The following KANK1 variants were observed in gnomAD, a reference collection of about 807,000 sequenced individuals.
The protein encoded by KANK1 is KN motif and ankyrin repeat domain-containing protein 1.
In KANK1, 109 loss-of-function variants were observed where a neutral mutation model predicts 106.2. The ratio of observed to expected loss-of-function variants is 1.03; its 90% confidence interval spans 0.88 to 1.20. KANK1 has a LOEUF of 1.20. Ranked by LOEUF, KANK1 falls within the 50% of genes most tolerant of loss-of-function variation. The pLI, the probability that KANK1 is intolerant of heterozygous loss-of-function variation, is 0.00. For missense variants in KANK1, 2,399 were observed against 1,710.7 expected (o/e 1.40, Z -7.10); for synonymous variants, 873 against 652.2 (o/e 1.34, Z -5.16).
chr9:551,291 G>A (rs754806746), intron 1 of KANK1, among the ~76,000 whole-genome samples: 1 of 151,940 alleles, frequency 6.6e-6, no homozygotes, highest in Non-Finnish European at 1.5e-5. Flanking sequence ...GTAGATGGGA[G>A]GCAGGGCTGT....
intron 3 of KANK1, among the ~76,000 whole-genome samples, chr9:473,986 G>C (rs1969985): frequency 0.084 from 12,748 of 152,170 alleles, 1,816 homozygotes; most frequent in African/African-American, 0.29. Context: ...GTGTGAGCCA[G>C]TGTGCCAGCC....
chr9:575,556 A>C (rs1218755703), intron 1 of KANK1, among the ~76,000 whole-genome samples: 1 of 150,190 alleles, frequency 6.7e-6, no homozygotes. Flanking sequence ...CCTGTGTTCC[A>C]GCTGCTCAGG....
chr9:735,509 C>T (rs1833548963), intron 7 of KANK1, among the ~76,000 whole-genome samples: 1 of 152,156 alleles, frequency 6.6e-6, no homozygotes, highest in Non-Finnish European at 1.5e-5. Flanking sequence ...CACATTCTTT[C>T]ATAGGCCAGA....
chr9:535,112 C>T (rs1000561067), intron 1 of KANK1, among the ~76,000 whole-genome samples: 4 of 152,216 alleles, frequency 2.6e-5, no homozygotes, highest in Non-Finnish European at 4.4e-5. Flanking sequence ...TCTCAGACTG[C>T]AGTGGGCAAG....
chr9:732,907 C>A, intron 6 of KANK1: 1 of 242,574 alleles, frequency 4.1e-6, no homozygotes, highest in Non-Finnish European at 8.0e-6. Flanking sequence ...GTTTGAACAC[C>A]TTACCTTATA....
intron 1 of KANK1, among the ~76,000 whole-genome samples, chr9:551,589 C>T (rs139589470): frequency 2.5e-4 from 38 of 152,202 alleles, no homozygotes; most frequent in African/African-American, 8.2e-4. Context: ...TGGTGAGGAC[C>T]GTTTATAATG....
chr9:581,810 A>G (rs948484491), intron 1 of KANK1, among the ~76,000 whole-genome samples: 8 of 152,100 alleles, frequency 5.3e-5, no homozygotes, highest in African/African-American at 1.9e-4. Context: ...TCTGGGCTGC[A>G]TTTGAGGCTA....
intron 1 of KANK1, among the ~76,000 whole-genome samples, chr9:657,090 G>C (rs893940584): frequency 2.6e-5 from 4 of 152,116 alleles, no homozygotes; most frequent in Non-Finnish European, 4.4e-5. Flanking sequence ...CTGTTTCTAT[G>C]ACTTTAATTA....
intron 1 of KANK1, among the ~76,000 whole-genome samples, chr9:620,404 AATT>A (rs777873529): frequency 4.0e-5 from 6 of 151,880 alleles, no homozygotes; most frequent in Non-Finnish European, 7.4e-5. Flanking sequence ...TGATAATTAT[AATT>A]TTTTTTTTTG....
intron 3 of KANK1, among the ~76,000 whole-genome samples, chr9:723,038 A>ATTC (rs1170868963): frequency 6.6e-6 from 1 of 152,204 alleles, no homozygotes; most frequent in Non-Finnish European, 1.5e-5. Context: ...AGCCTTGAAA[A>ATTC]GAGTATGGGT....
chr9:712,808 A>G lies in KANK1; in HGVS notation c.2042A>G (p.His681Arg), dbSNP rs1465784993. 6.2e-7 allele frequency: 1 copy of G among 1,613,912 alleles called. No homozygotes were observed. The highest frequency in any genetic ancestry group is 8.5e-7 in the Non-Finnish European group (1 of 1,179,944). Residue 681 changes from histidine to arginine, a missense_variant, in exon 3 of 12, where the codon CAC becomes CGC. His to Arg is a conservative substitution (Grantham distance 29). Transcript: ENST00000382297. ...QDTSTDLEQV[H>R]QFTNTETATL... ...ACTAGCACAGATTTGGAACAGGTGCACCAGTTCACCAACACCGAGACGGCC... is the reference window on the plus strand; with the variant it reads ...ACTAGCACAGATTTGGAACAGGTGCGCCAGTTCACCAACACCGAGACGGCC...
At chr9:585,147 C>G (rs1400699974) in intron 1 of KANK1, among the ~76,000 whole-genome samples, 1 of 152,206 alleles carries the variant, frequency 6.6e-6, no homozygotes, top group Non-Finnish European at 1.5e-5. Context: ...TCTTCCATGT[C>G]CCTTGACCCT....
At chr9:504,488 C>G (rs371688647), upstream of KANK1, among the ~76,000 whole-genome samples, 4 of 151,432 alleles carry the variant, frequency 2.6e-5, no homozygotes, top group African/African-American at 7.3e-5. Flanking sequence ...GTCCTCTGGG[C>G]GGAGGGAGCA....
intron 1 of KANK1, among the ~76,000 whole-genome samples, chr9:590,958 G>T (rs1016902113): frequency 1.3e-5 from 2 of 151,734 alleles, no homozygotes; most frequent in Non-Finnish European, 2.9e-5. Flanking sequence ...ACCAGTATGC[G>T]AGAGGTCTCT....
At chr9:571,745 A>C (rs1258055161) in intron 1 of KANK1, among the ~76,000 whole-genome samples, 2 of 152,260 alleles carry the variant, frequency 1.3e-5, no homozygotes, top group Non-Finnish European at 2.9e-5. Context: ...AGAAGCAGAC[A>C]CATGGAGCAA....
At chr9:595,166 C>G (rs1452696920) in intron 1 of KANK1, among the ~76,000 whole-genome samples, 1 of 151,620 alleles carries the variant, frequency 6.6e-6, no homozygotes, top group Non-Finnish European at 1.5e-5. Flanking sequence ...GTAGTCCCAG[C>G]TACTCAGGAA....
chr9:591,117 A>T (rs531421920), intron 1 of KANK1, among the ~76,000 whole-genome samples: 1 of 151,628 alleles, frequency 6.6e-6, no homozygotes, highest in African/African-American at 2.4e-5. Flanking sequence ...ATTTCTCCAG[A>T]GGGGTATTTG....
chr9:629,391 C>G (rs1835140675), intron 1 of KANK1, among the ~76,000 whole-genome samples: 1 of 152,156 alleles, frequency 6.6e-6, no homozygotes, highest in African/African-American at 2.4e-5. Context: ...TGGTTTCTTG[C>G]TGGTGCACAC....
chr9:596,508 A>G (rs1826250381), intron 1 of KANK1, among the ~76,000 whole-genome samples: 1 of 151,748 alleles, frequency 6.6e-6, no homozygotes, highest in Non-Finnish European at 1.5e-5. Flanking sequence ...TCACGGAGCC[A>G]GTGATTATTT....
Sources: gnomAD v4.1 joint callset for allele counts (sites outside exome capture counted in the v4.1 genomes callset) on GRCh38, gnomAD v4.1.1 for gene constraint, MANE v1.5 for transcripts, NCBI Gene and HGNC (gene_info 2026-07-23, HGNC 2026-07-21) for gene names.